The following RAD51B variants were observed in gnomAD, a reference collection of about 807,000 sequenced individuals.
The protein encoded by RAD51B is DNA repair protein RAD51 homolog 2.
A neutral mutation model predicts 42.2 loss-of-function variants in RAD51B; 38 were observed. The observed-to-expected ratio is 0.90, with a 90% CI of 0.70 to 1.18. The LOEUF (loss-of-function observed/expected upper bound fraction) is 1.18, where lower values mean the gene tolerates loss of function less well. Ranked by LOEUF, RAD51B falls within the 50% of genes most tolerant of loss-of-function variation. The pLI, the probability that RAD51B is intolerant of heterozygous loss-of-function variation, is 0.00. For missense variants in RAD51B, 373 were observed against 400.7 expected, an observed-to-expected ratio of 0.93 and a Z score of 0.59; for synonymous variants, 154 against 145.2, an observed-to-expected ratio of 1.06 and a Z score of -0.43.
At chr14:68,294,737 G>A (rs545943984) in intron 8 of RAD51B, among the ~76,000 whole-genome samples, 102 of 152,346 alleles carry the variant, frequency 6.7e-4, no homozygotes, top group African/African-American at 2.3e-3. Context: ...AAGAATGGCC[G>A]TGTTGCTGAT....
intron 7 of RAD51B, among the ~76,000 whole-genome samples, chr14:68,030,216 A>T (rs189208234): frequency 6.6e-6 from 1 of 152,340 alleles, no homozygotes; most frequent in East Asian, 1.9e-4. Context: ...TTTTAAAAAA[A>T]GTCAGCCTGT....
intron 7 of RAD51B, among the ~76,000 whole-genome samples, chr14:68,160,098 C>G (rs1342170821): frequency 2.0e-4 from 1 of 5,026 alleles, no homozygotes; most frequent in African/African-American, 5.4e-4. Context: ...TGACAGACTT[C>G]ATGGTTAAAG....
chr14:68,644,646 C>G (rs1892529279), intron 10 of RAD51B, among the ~76,000 whole-genome samples: 1 of 152,198 alleles, frequency 6.6e-6, no homozygotes, highest in Non-Finnish European at 1.5e-5. Flanking sequence ...GAAGTGGAAT[C>G]TCTGCTCCGT....
intron 9 of RAD51B, among the ~76,000 whole-genome samples, chr14:68,465,949 AAAAAATAAAT>A (rs1280658789): frequency 4.5e-4 from 45 of 100,054 alleles, no homozygotes; most frequent in South Asian, 9.5e-4. Context: ...TCAAAAAAAA[AAAAAATAAAT>A]AAATAAATAA....
At chr14:67,829,786 T>A (rs1472059931) in intron 3 of RAD51B, among the ~76,000 whole-genome samples, 1 of 152,184 alleles carries the variant, frequency 6.6e-6, no homozygotes, top group Non-Finnish European at 1.5e-5. Context: ...CCTCTTGTAG[T>A]TTACAGTCTA....
At chr14:68,601,600 A>G (rs184633674) in intron 10 of RAD51B, among the ~76,000 whole-genome samples, 17 of 152,186 alleles carry the variant, frequency 1.1e-4, no homozygotes, top group Non-Finnish European at 5.9e-5. Flanking sequence ...TATGTTGATG[A>G]CTGAGTTTCA....
intron 1 of RAD51B, 68 bp from the exon 2 acceptor site, chr14:67,823,474 T>G: frequency 7.4e-7 from 1 of 1,352,758 alleles, no homozygotes; most frequent in South Asian, 1.2e-5. Context: ...GGATAGCCTA[T>G]TCACTATCAC....
chr14:68,010,004 A>G (rs769603454), intron 7 of RAD51B, among the ~76,000 whole-genome samples: 4 of 151,876 alleles, frequency 2.6e-5, no homozygotes, highest in Non-Finnish European at 5.9e-5. Context: ...TAATTCAGTT[A>G]ACTGCCACCT....
At chr14:68,336,834 A>C (rs1490252859) in intron 8 of RAD51B, among the ~76,000 whole-genome samples, 1 of 152,202 alleles carries the variant, frequency 6.6e-6, no homozygotes, top group Non-Finnish European at 1.5e-5. Flanking sequence ...AAGACAGCTA[A>C]CCATTTCTTT....
intron 9 of RAD51B, among the ~76,000 whole-genome samples, chr14:68,424,823 G>C (rs2084794080): frequency 6.6e-6 from 1 of 152,116 alleles, no homozygotes; most frequent in Non-Finnish European, 1.5e-5. Flanking sequence ...CGCCCAGGCT[G>C]GAATACAGTG....
At chr14:68,597,391 C>G (rs186119985), downstream of RAD51B, among the ~76,000 whole-genome samples, 34 of 152,226 alleles carry the variant, frequency 2.2e-4, no homozygotes, top group African/African-American at 7.7e-4. Context: ...AACATTTTCC[C>G]TATAAAATGA....
At chr14:68,035,457 C>A (rs1039504972) in intron 7 of RAD51B, among the ~76,000 whole-genome samples, 9 of 152,088 alleles carry the variant, frequency 5.9e-5, no homozygotes, top group Non-Finnish European at 1.3e-4. Flanking sequence ...TGAATACCCC[C>A]AGTTTTGAGT....
chr14:68,343,412 A>T lies in RAD51B; in HGVS notation c.853+51432A>T, dbSNP rs117260953. ...CTTTTAGGGTCAGGTCTAAAATATC[A>T]TTGCCCAGAATAATGTTGTGTAATT... On this transcript the variant is annotated intron_variant, in intron 8 of 10. Coordinates refer to ENST00000471583, the MANE Select transcript of RAD51B (RefSeq NM_133510.4). 2.7e-3 allele frequency among the ~76,000 whole-genome samples: 415 copies of T among 152,290 alleles called. 11 individuals carry two copies. In the East Asian group the frequency reaches 0.045, roughly 17 times the overall value.
intron 7 of RAD51B, among the ~76,000 whole-genome samples, chr14:68,042,572 T>C (rs1167129788): frequency 6.6e-6 from 1 of 152,232 alleles, no homozygotes; most frequent in East Asian, 1.9e-4. Context: ...AAGGGTTTTT[T>C]TTCCTTTCTG....
chr14:68,441,541 CAAAAAAAAAAAAAA>C (rs67477807), intron 9 of RAD51B, among the ~76,000 whole-genome samples: 10 of 68,034 alleles, frequency 1.5e-4, no homozygotes, highest in Non-Finnish European at 1.0e-4. Flanking sequence ...GACTCCATCT[CAAAAAAAAAAAAAA>C]AAAAAAAAAG....
chr14:67,918,052 A>T (rs919048620), intron 7 of RAD51B, among the ~76,000 whole-genome samples: 1 of 152,140 alleles, frequency 6.6e-6, no homozygotes, highest in Non-Finnish European at 1.5e-5. Flanking sequence ...ATAGAAAAAA[A>T]TTTTTAAATG....
At chr14:67,832,522 C>G (rs1594969479) in intron 3 of RAD51B, among the ~76,000 whole-genome samples, 1 of 151,958 alleles carries the variant, frequency 6.6e-6, no homozygotes, top group Non-Finnish European at 1.5e-5. Flanking sequence ...AAAGCAGCAA[C>G]AGTTCTTGTT....
chr14:67,959,891 C>G (rs376718022), intron 7 of RAD51B, among the ~76,000 whole-genome samples: 1 of 152,114 alleles, frequency 6.6e-6, no homozygotes, highest in Non-Finnish European at 1.5e-5. Context: ...ACTAGCCTGG[C>G]CAACATGGTG....
intron 8 of RAD51B, among the ~76,000 whole-genome samples, chr14:68,323,356 T>C (rs1462502706): frequency 1.3e-5 from 2 of 152,232 alleles, no homozygotes; most frequent in Non-Finnish European, 2.9e-5. Flanking sequence ...AAACCTTTAC[T>C]CAGTGCTTAT....
Sources: gnomAD v4.1 joint callset for allele counts (sites outside exome capture counted in the v4.1 genomes callset) on GRCh38, gnomAD v4.1.1 for gene constraint, MANE v1.5 for transcripts, NCBI Gene and HGNC (gene_info 2026-07-23, HGNC 2026-07-21) for gene names.